Variants in TRDMT1 observed in about 807,000 individuals in gnomAD.
TRDMT1 encodes the protein tRNA (cytosine(38)-C(5))-methyltransferase.
In TRDMT1, 49 loss-of-function variants were observed where a neutral mutation model predicts 51.2. The ratio of observed to expected loss-of-function variants is 0.96; its 90% CI spans 0.76 to 1.21. TRDMT1 has a LOEUF of 1.21. Among genes scored for constraint, TRDMT1 ranks in the 50% most tolerant of loss-of-function variants. The probability of loss-of-function intolerance (pLI) is 0.00; values close to 1 mark genes in which losing one functional copy is unlikely to be tolerated. For missense variants in TRDMT1, 534 were observed against 462.3 expected (o/e 1.16, Z -1.42); for synonymous variants, 187 against 164.6 (o/e 1.14, Z -1.04).
chr10:17,187,672 A>G (rs995977432), intron 1 of TRDMT1, among the ~76,000 whole-genome samples: 1 of 152,190 alleles, frequency 6.6e-6, no homozygotes, highest in African/African-American at 2.4e-5. Flanking sequence ...AGGCAGTAAT[A>G]AGTGTTAAAG....
At position 17,140,918 on chromosome 10, in the gene TRDMT1, C is replaced by A. The variant is rs143425072; in HGVS notation, c.*8122G>T. 4.9e-4 allele frequency among the ~76,000 whole-genome samples: 75 copies of A among 152,234 alleles called. No homozygotes were observed. The highest frequency in any genetic ancestry group is 1.7e-3 in the Admixed American group (26 of 15,294). ...TTGATTATTTCACATATCAGATAAGCCTAATTCCATGTTAACTACCTGCTC... is the reference window on the plus strand; with the variant it reads ...TTGATTATTTCACATATCAGATAAGACTAATTCCATGTTAACTACCTGCTC... On this transcript the variant is annotated 3_prime_UTR_variant, in exon 11 of 11. Transcript: ENST00000377799.
At chr10:17,191,614 T>C (rs1271312053) in intron 1 of TRDMT1, among the ~76,000 whole-genome samples, 1 of 152,104 alleles carries the variant, frequency 6.6e-6, no homozygotes, top group Non-Finnish European at 1.5e-5. Context: ...CTCAGAGCTG[T>C]CAGGGGAGGG....
chr10:17,180,546 A>AAAAC (rs1843157863), intron 1 of TRDMT1, among the ~76,000 whole-genome samples: 1 of 129,712 alleles, frequency 7.7e-6, no homozygotes, highest in African/African-American at 2.5e-5. Flanking sequence ...TCTCAAAAAA[A>AAAAC]AAAAAAAAAA....
chr10:17,146,496 T>C lies in TRDMT1; in HGVS notation c.*2544A>G. The C allele has an allele frequency of 2.0e-6, 2 of 985,404 alleles. No homozygotes were observed. Among genetic ancestry groups the C allele is most frequent in the Non-Finnish European group, 2.4e-6 (2 of 829,874 alleles). The allele number at this position is 985,404 out of a possible 1,614,324, so 61.0% of individuals were successfully genotyped here. A position where few individuals can be genotyped will look rare whatever the true frequency, so the allele number is the denominator to read the frequency against. On this transcript the variant is annotated 3_prime_UTR_variant, in exon 11 of 11. Transcript: ENST00000377799. ...CCAACTATGACTCATTTTGTTTACA[T>C]TAATTGATTTGGTCATCTCTTAGAA... is the stretch of plus-strand genomic sequence containing the variant.
At position 17,147,249 on chromosome 10, in the gene TRDMT1, T is replaced by C. The variant is rs1222274372; in HGVS notation, c.*1791A>G. 3.0e-6 allele frequency: 3 copies of C among 985,668 alleles called. No homozygotes were observed. Among genetic ancestry groups the C allele is most frequent in the Admixed American group, 1.2e-4 (2 of 16,260 alleles). 61.1% of individuals were successfully genotyped at this position (985,668 alleles called of 1,614,324 possible). ...GATTGTTTACTGAAATTTATGAGAC[T>C]TGTAATAGGCTCTGTCTGAACACAT... On this transcript the variant is annotated 3_prime_UTR_variant, in exon 11 of 11. Transcript: ENST00000377799.
At chr10:17,175,542 A>C (rs1449863784) in intron 1 of TRDMT1, among the ~76,000 whole-genome samples, 4 of 152,192 alleles carry the variant, frequency 2.6e-5, no homozygotes, top group African/African-American at 9.7e-5. Context: ...TAAAAATGAA[A>C]GTATTTGAGA....
In TRDMT1 at chr10:17,144,868, T is replaced by C. The variant is rs1837968585; in HGVS notation, c.*4172A>G. ...TTTCACCAGCAAAGACAAGAAATAG[T>C]GAAAGGGAAAATGATGCACACAGGT... On this transcript the variant is annotated 3_prime_UTR_variant, in exon 11 of 11. Coordinates refer to ENST00000377799, the MANE Select transcript of TRDMT1 (RefSeq NM_004412.7). 1 of 984,616 alleles carries C rather than the reference T, an allele frequency of 1.0e-6. No individual in the cohort carries two copies. The highest frequency in any genetic ancestry group is 1.2e-6 in the Non-Finnish European group (1 of 829,766). The allele number at this position is 984,616 out of a possible 1,614,324, so 61.0% of individuals were successfully genotyped here. A position where few individuals can be genotyped will look rare whatever the true frequency, so the allele number is the denominator to read the frequency against.
intron 2 of TRDMT1, among the ~76,000 whole-genome samples, chr10:17,174,015 G>A (rs1028434887): frequency 6.6e-6 from 1 of 151,944 alleles, no homozygotes; most frequent in Non-Finnish European, 1.5e-5. Context: ...CACCTGTCTC[G>A]GCCTCCCAAA....
At chr10:17,201,444 G>GCCCCACAGTGT (rs1554773120) in intron 1 of TRDMT1, 127 bp downstream of exon 1, 1 of 835,796 alleles carries the variant, frequency 1.2e-6, no homozygotes, top group Non-Finnish European at 1.8e-6. Flanking sequence ...ACAACCGAGG[G>GCCCCACAGTGT]CCGCCCCACA....
intron 2 of TRDMT1, among the ~76,000 whole-genome samples, chr10:17,170,989 C>T (rs1237063728): frequency 2.0e-5 from 3 of 148,608 alleles, no homozygotes; most frequent in Non-Finnish European, 4.5e-5. Context: ...TGTGTAAGTA[C>T]ATTAGCTAAC....
rs1206972013 is a variant in TRDMT1 at position 17,147,457 on chromosome 10, T to C, written c.*1583A>G. The C allele has an allele frequency of 1.6e-6, 1 of 608,326 alleles. No homozygotes were observed. Among genetic ancestry groups the C allele is most frequent in the African/African-American group, 2.0e-5 (1 of 49,876 alleles). 37.7% of individuals were successfully genotyped at this position (608,326 alleles called of 1,614,324 possible). A position where few individuals can be genotyped will look rare whatever the true frequency, so the allele number is the denominator to read the frequency against. On this transcript the variant is annotated 3_prime_UTR_variant, in exon 11 of 11. Coordinates refer to ENST00000377799, the MANE Select transcript of TRDMT1 (RefSeq NM_004412.7). ...TTTAAATATACAGTTGCAGTGGCAT[T>C]AAGTACACTCACACTGTTGTGCAAC...
chr10:17,158,472 A>T (rs186117196), intron 7 of TRDMT1, among the ~76,000 whole-genome samples: 3 of 152,270 alleles, frequency 2.0e-5, no homozygotes, highest in Non-Finnish European at 4.4e-5. Flanking sequence ...TATTAGTATC[A>T]TATTATAAAG....
Position 17,144,426 on chromosome 10 carries a change from T to G in TRDMT1, c.*4614A>C. 2 of 985,624 alleles carry G rather than the reference T, an allele frequency of 2.0e-6. No homozygotes were observed. Among genetic ancestry groups the G allele is most frequent in the Non-Finnish European group, 2.4e-6 (2 of 829,924 alleles). The allele number at this position is 985,624 out of a possible 1,614,324, so 61.1% of individuals were successfully genotyped here. On this transcript the variant is annotated 3_prime_UTR_variant, in exon 11 of 11. Transcript: ENST00000377799. ...TCTATGGGAGAACTCAGTTCCTATCTTGTAATTTTTGTGAAAATTTCCGGT... is the reference window on the plus strand; with the variant it reads ...TCTATGGGAGAACTCAGTTCCTATCGTGTAATTTTTGTGAAAATTTCCGGT...
chr10:17,177,713 A>AACACACACAC (rs372220525), intron 1 of TRDMT1, among the ~76,000 whole-genome samples: 9,149 of 146,968 alleles, frequency 0.062, 457 homozygotes, highest in East Asian at 0.16. Flanking sequence ...ATAGACAAGA[A>AACACACACAC]ACACACACAC....
chr10:17,141,128 C>A lies in TRDMT1; in HGVS notation c.*7912G>T, dbSNP rs1198849411. ...GTCATCCAAATTGTGTCCCCCGCCCCATGGCAACGTGTCATTTTTCTCCAG... is the reference window on the plus strand; with the variant it reads ...GTCATCCAAATTGTGTCCCCCGCCCAATGGCAACGTGTCATTTTTCTCCAG... On this transcript the variant is annotated 3_prime_UTR_variant, in exon 11 of 11. Transcript: ENST00000377799. Among the ~76,000 whole-genome samples, 1 of 152,182 alleles carries A rather than the reference C, an allele frequency of 6.6e-6. No homozygotes were observed. Among genetic ancestry groups the A allele is most frequent in the African/African-American group, 2.4e-5 (1 of 41,464 alleles).
At chr10:17,150,949 A>G (rs2131372538) in intron 10 of TRDMT1, 1 of 985,368 alleles carries the variant, frequency 1.0e-6, no homozygotes, top group Non-Finnish European at 1.2e-6. Flanking sequence ...TCAGAAGGAA[A>G]GAAAGGTTTG....
chr10:17,165,499 A>C (rs1003922039), intron 3 of TRDMT1, among the ~76,000 whole-genome samples: 1 of 152,234 alleles, frequency 6.6e-6, no homozygotes, highest in African/African-American at 2.4e-5. Context: ...CAATGGCAAC[A>C]AAAGCCAAAA....
At chr10:17,161,165 C>T (rs1456877222) in intron 5 of TRDMT1, among the ~76,000 whole-genome samples, 1 of 152,150 alleles carries the variant, frequency 6.6e-6, no homozygotes, top group Non-Finnish European at 1.5e-5. Context: ...CCAATTCTTA[C>T]TGAAAACATT....
intron 7 of TRDMT1, 67 bp from the exon 8 acceptor site, chr10:17,157,851 C>T: frequency 1.6e-6 from 2 of 1,259,182 alleles, no homozygotes; most frequent in Non-Finnish European, 2.2e-6. Flanking sequence ...TTAACAATGT[C>T]CAGTCAACAT....
Sources: gnomAD v4.1 joint callset for allele counts (sites outside exome capture counted in the v4.1 genomes callset) on GRCh38, gnomAD v4.1.1 for gene constraint, MANE v1.5 for transcripts, NCBI Gene and HGNC (gene_info 2026-07-23, HGNC 2026-07-21) for gene names.